Variants in PTN observed in about 807,000 individuals in gnomAD.
PTN encodes the protein heparin affin regulatory protein.
A neutral mutation model predicts 24.1 loss-of-function variants in PTN; 18 were observed. The observed-to-expected ratio is 0.75, with a 90% CI of 0.52 to 1.11. PTN has a LOEUF of 1.11. Among genes scored for constraint, PTN ranks in the 50% least tolerant of loss-of-function variants. The pLI is 0.00. For synonymous variants in PTN, 78 were observed against 68.6 expected (o/e 1.14, Z -0.67); for missense variants, 163 against 198.8 (o/e 0.82, Z 1.08).
intron 1 of PTN, among the ~76,000 whole-genome samples, chr7:137,316,007 T>TA (rs1312522942): frequency 3.3e-5 from 5 of 152,150 alleles, no homozygotes; most frequent in African/African-American, 1.2e-4. Flanking sequence ...ACACAACTGA[T>TA]AAAAATATCT....
In PTN at chr7:137,269,624, A is replaced by ATTTTTT. The variant is rs869311084; in HGVS notation, c.-1-14656_-1-14651dup. ...TGCTATCTGTCAAGCTGCTTCATCT[A>ATTTTTT]TTTTTTTTTTTTTTTTTTTTTTTTT... On this transcript the variant is annotated intron_variant, in intron 1 of 4. Coordinates refer to ENST00000348225, the MANE Select transcript of PTN (RefSeq NM_002825.7). Among the ~76,000 whole-genome samples, 95 of 63,008 alleles carry ATTTTTT rather than the reference A, an allele frequency of 1.5e-3. 17 individuals are homozygous for ATTTTTT. The highest frequency in any genetic ancestry group is 6.5e-3 in the African/African-American group (87 of 13,424). The allele number at this position is 63,008 out of a possible 152,430, so 41.3% of individuals were successfully genotyped here. A position where few individuals can be genotyped will look rare whatever the true frequency, so the allele number is the denominator to read the frequency against.
intron 1 of PTN, among the ~76,000 whole-genome samples, chr7:137,297,795 C>T (rs576609775): frequency 3.3e-5 from 5 of 152,050 alleles, no homozygotes; most frequent in African/African-American, 1.2e-4. Context: ...CCTGATAGAG[C>T]AGAATAAAGG....
At chr7:137,252,605 A>G (rs538147274) in intron 3 of PTN, among the ~76,000 whole-genome samples, 2 of 152,004 alleles carry the variant, frequency 1.3e-5, no homozygotes, top group South Asian at 4.1e-4. Flanking sequence ...AAATACCCCA[A>G]AGATTACAGA....
intron 1 of PTN, chr7:137,326,913 T>C (rs1212214337): frequency 6.6e-6 from 1 of 151,854 alleles, no homozygotes; most frequent in Non-Finnish European, 1.5e-5. Flanking sequence ...CCCAGCTCAT[T>C]GTGTGCATTG....
intron 4 of PTN, among the ~76,000 whole-genome samples, chr7:137,250,170 A>G (rs1005594954): frequency 1.3e-5 from 2 of 152,176 alleles, no homozygotes; most frequent in African/African-American, 4.8e-5. Flanking sequence ...ATTGAGTCCC[A>G]TTGTATTAGT....
At position 137,280,695 on chromosome 7, in the gene PTN, AATAC is replaced by A. The variant is rs1261674942; in HGVS notation, c.-1-25725_-1-25722del. On this transcript the variant is annotated intron_variant, in intron 1 of 4. Transcript: ENST00000348225. ...ATGGCAAAACCCCGTCTCTACTAAAAATACAAAAAAAAAAAAAAAAAAAAAAAAA... is the reference window on the plus strand; with the variant it reads ...ATGGCAAAACCCCGTCTCTACTAAAAAAAAAAAAAAAAAAAAAAAAAAAAA... Among the ~76,000 whole-genome samples the A allele has an allele frequency of 3.7e-3, 336 of 91,076 alleles. 10 individuals carry two copies. The highest frequency in any genetic ancestry group is 6.0e-3 in the Non-Finnish European group (287 of 47,614). 59.7% of individuals were successfully genotyped at this position (91,076 alleles called of 152,430 possible).
At chr7:137,289,713 C>T (rs1390413636) in intron 1 of PTN, among the ~76,000 whole-genome samples, 1 of 152,094 alleles carries the variant, frequency 6.6e-6, no homozygotes, top group African/African-American at 2.4e-5. Context: ...AAAGAGGTAC[C>T]TCATTCCTGC....
intron 1 of PTN, among the ~76,000 whole-genome samples, chr7:137,319,547 C>A (rs903721369): frequency 3.9e-5 from 6 of 152,178 alleles, no homozygotes; most frequent in Admixed American, 3.9e-4. Flanking sequence ...GCTGGCAGAT[C>A]GTTTTTTGGC....
chr7:137,252,567 A>G (rs1808847191), intron 3 of PTN, among the ~76,000 whole-genome samples: 1 of 151,896 alleles, frequency 6.6e-6, no homozygotes, highest in Non-Finnish European at 1.5e-5. Context: ...ACACTTTTAT[A>G]GAACTTGTCT....
intron 4 of PTN, among the ~76,000 whole-genome samples, chr7:137,245,049 C>A (rs1406163083): frequency 2.0e-5 from 3 of 152,158 alleles, no homozygotes; most frequent in Non-Finnish European, 4.4e-5. Context: ...TTGCCAACAT[C>A]TTTATGTTTC....
At chr7:137,270,152 A>G (rs322236) in intron 1 of PTN, among the ~76,000 whole-genome samples, 54,663 of 152,152 alleles carry the variant, frequency 0.36, 13,069 homozygotes, top group African/African-American at 0.69. Context: ...TCAGTGACAG[A>G]TAAATAGCCA....
intron 1 of PTN, among the ~76,000 whole-genome samples, chr7:137,333,797 CA>C (rs1810400042): frequency 6.6e-6 from 1 of 152,172 alleles, no homozygotes; most frequent in Non-Finnish European, 1.5e-5. Flanking sequence ...AACTATACTA[CA>C]AGCCTACAGT....
At chr7:137,320,532 C>A (rs922531184) in intron 1 of PTN, among the ~76,000 whole-genome samples, 7 of 152,140 alleles carry the variant, frequency 4.6e-5, no homozygotes, top group Non-Finnish European at 1.0e-4. Context: ...AGCACTTTTG[C>A]TCCATGGCAA....
intron 1 of PTN, among the ~76,000 whole-genome samples, chr7:137,297,511 G>A (rs1411030211): frequency 6.6e-6 from 1 of 151,982 alleles, no homozygotes; most frequent in East Asian, 1.9e-4. Flanking sequence ...ATACTGAGAT[G>A]AGCAACAAAA....
chr7:137,233,149 T>C (rs539416945), intron 4 of PTN, among the ~76,000 whole-genome samples: 2 of 152,078 alleles, frequency 1.3e-5, no homozygotes, highest in Non-Finnish European at 2.9e-5. Flanking sequence ...AAAATCTTGA[T>C]AAATGCTAAC....
chr7:137,228,092 GA>G lies in PTN; in HGVS notation c.452-18del. ...TAGATTCTGCTGTGATTACAAAAAA[GA>G]GAGACAGAAAGAGAGAAAGAGAAAA... On this transcript the variant is annotated intron_variant, in intron 4 of 4. Transcript: ENST00000348225. 1 of 1,462,634 alleles carries G rather than the reference GA, an allele frequency of 6.8e-7. No homozygotes were observed. Among genetic ancestry groups the G allele is most frequent in the Non-Finnish European group, 9.5e-7 (1 of 1,049,600 alleles). The allele number at this position is 1,462,634 out of a possible 1,614,324, so 90.6% of individuals were successfully genotyped here.
chr7:137,289,706 G>C (rs1809610430), intron 1 of PTN, among the ~76,000 whole-genome samples: 1 of 152,162 alleles, frequency 6.6e-6, no homozygotes, highest in South Asian at 2.1e-4. Context: ...AGCAAGGAAA[G>C]AGGTACCTCA....
chr7:137,327,708 C>T (rs1810285733), intron 1 of PTN, among the ~76,000 whole-genome samples: 1 of 152,056 alleles, frequency 6.6e-6, no homozygotes, highest in Non-Finnish European at 1.5e-5. Context: ...TCTTCCTTCT[C>T]TGAAAAAAAA....
At position 137,318,288 on chromosome 7, in the gene PTN, T is replaced by A. The variant is rs1422907719; in HGVS notation, c.-2+25151A>T. On this transcript the variant is annotated intron_variant, in intron 1 of 4. Transcript: ENST00000348225. ...TCTTAATAATAGATAAATAAAAGAG[T>A]AATCTAGTGGCTGAGAGCACATTGA... Among the ~76,000 whole-genome samples, 4 of 151,818 alleles carry A rather than the reference T, an allele frequency of 2.6e-5. No homozygotes were observed. The East Asian group carries it at 7.7e-4, about 29-fold the overall frequency.
Sources: gnomAD v4.1 joint callset for allele counts (sites outside exome capture counted in the v4.1 genomes callset) on GRCh38, gnomAD v4.1.1 for gene constraint, MANE v1.5 for transcripts, NCBI Gene and HGNC (gene_info 2026-07-23, HGNC 2026-07-21) for gene names.